Variants in RAB1A observed in about 807,000 individuals in gnomAD.
RAB1A encodes RAB1A, member RAS oncogene family.
RAB1A carries 2 observed loss-of-function variants against 26.0 expected under a neutral mutation model. That is an observed-to-expected ratio of 0.08 (90% CI 0.03 to 0.24). The LOEUF is 0.24. Among genes scored for constraint, RAB1A ranks in the 10% least tolerant of loss-of-function variants. RAB1A has a pLI of 1.00. For missense variants in RAB1A, 100 were observed against 247.0 expected (o/e 0.40, Z 3.99); for synonymous variants, 84 against 84.9 (o/e 0.99, Z 0.06).
intron 3 of RAB1A, among the ~76,000 whole-genome samples, chr2:65,093,659 T>C (rs1433510363): frequency 6.6e-6 from 1 of 151,232 alleles, no homozygotes; most frequent in East Asian, 1.9e-4. Context: ...AGTCTCGCTC[T>C]GTCACCAGGC....
intron 1 of RAB1A, 33 bp downstream of exon 1, chr2:65,129,860 G>T: frequency 6.3e-7 from 1 of 1,586,460 alleles, no homozygotes; most frequent in East Asian, 2.3e-5. Context: ...GCTGGCCCAC[G>T]GACCCAGCCG....
chr2:65,112,879 G>A (rs1464924482), intron 1 of RAB1A, among the ~76,000 whole-genome samples: 3 of 152,134 alleles, frequency 2.0e-5, no homozygotes, highest in African/African-American at 7.2e-5. Flanking sequence ...CAGTAAGGAC[G>A]AGTTTTATTC....
chr2:65,111,324 T>C (rs1669687990), intron 1 of RAB1A, among the ~76,000 whole-genome samples: 1 of 150,094 alleles, frequency 6.7e-6, no homozygotes, highest in African/African-American at 2.5e-5. Flanking sequence ...ATCATGCCAT[T>C]GCACTCCAGC....
chr2:65,118,773 C>T (rs777358879), intron 1 of RAB1A, among the ~76,000 whole-genome samples: 9 of 152,116 alleles, frequency 5.9e-5, no homozygotes, highest in East Asian at 1.9e-4. Flanking sequence ...CCCCCGCACC[C>T]GGCCCAAAGG....
rs184813379 is a variant in RAB1A at position 65,125,181 on chromosome 2, T to C, written c.23+4712A>G. On this transcript the variant is annotated intron_variant, in intron 1 of 5. Transcript: ENST00000409784. ...AAGGGGATGGGGGCTAAAAATAAGG[T>C]AAATACTTTAAACTTTTTCTGCATT... 1.3e-3 allele frequency among the ~76,000 whole-genome samples: 203 copies of C among 152,144 alleles called. 1 individual carries two copies. Among genetic ancestry groups the C allele is most frequent in the Non-Finnish European group, 1.8e-3 (119 of 67,998 alleles).
chr2:65,114,201 G>T, intron 1 of RAB1A: 1 of 420,504 alleles, frequency 2.4e-6, no homozygotes. Context: ...CTCAGACAAG[G>T]TTCACATGTC....
chr2:65,097,662 C>T (rs938620743), intron 3 of RAB1A, among the ~76,000 whole-genome samples: 2 of 152,112 alleles, frequency 1.3e-5, no homozygotes, highest in African/African-American at 4.8e-5. Flanking sequence ...TGGTCTATAA[C>T]ATTTGCAGTG....
intron 3 of RAB1A, among the ~76,000 whole-genome samples, chr2:65,094,028 T>C (rs946483792): frequency 1.3e-5 from 2 of 151,502 alleles, no homozygotes; most frequent in South Asian, 2.1e-4. Flanking sequence ...AGAGTGCAAA[T>C]GGCACAATCT....
chr2:65,129,666 C>G (rs1024615688), intron 1 of RAB1A, among the ~76,000 whole-genome samples: 4 of 152,044 alleles, frequency 2.6e-5, no homozygotes, highest in Admixed American at 6.5e-5. Flanking sequence ...TAACCTGACC[C>G]GGTCCAGGCC....
intron 3 of RAB1A, among the ~76,000 whole-genome samples, chr2:65,094,233 G>C (rs1218218348): frequency 2.6e-5 from 4 of 152,162 alleles, no homozygotes; most frequent in Non-Finnish European, 5.9e-5. Context: ...GCCTCCCAAA[G>C]TACTGGGATT....
intron 1 of RAB1A, among the ~76,000 whole-genome samples, chr2:65,129,070 C>T (rs1309310658): frequency 6.6e-6 from 1 of 152,032 alleles, no homozygotes; most frequent in Non-Finnish European, 1.5e-5. Flanking sequence ...TCATAGGTCC[C>T]GTTCGTTTCT....
chr2:65,118,340 A>C lies in RAB1A; in HGVS notation c.23+11553T>G, dbSNP rs1315665070. 2.0e-5 allele frequency among the ~76,000 whole-genome samples: 3 copies of C among 152,190 alleles called. No individual in the cohort carries two copies. The East Asian group carries it at 5.8e-4, about 29-fold the overall frequency. ...TTATATTGATTATGCTTGTTTGAAC[A>C]TGAGTCATTTTCTTAATTTGTAAGC... is the stretch of plus-strand genomic sequence containing the variant. On this transcript the variant is annotated intron_variant, in intron 1 of 5. Coordinates refer to ENST00000409784, the MANE Select transcript of RAB1A (RefSeq NM_004161.5).
intron 1 of RAB1A, among the ~76,000 whole-genome samples, chr2:65,110,482 C>T (rs1329894388): frequency 1.4e-5 from 2 of 147,258 alleles, no homozygotes; most frequent in Admixed American, 1.4e-4. Context: ...ATTTGAGGCA[C>T]AAAATAAATT....
chr2:65,127,975 C>A (rs1025791256), intron 1 of RAB1A, among the ~76,000 whole-genome samples: 4 of 152,208 alleles, frequency 2.6e-5, no homozygotes, highest in Middle Eastern at 6.8e-3. Context: ...ACCTCGGGAT[C>A]CGCCCGCCTC....
At position 65,095,188 on chromosome 2, in the gene RAB1A, G is replaced by T. The variant is rs115278348; in HGVS notation, c.192+2783C>A. Among the ~76,000 whole-genome samples the T allele has an allele frequency of 9.0e-3, 1,369 of 151,912 alleles. 13 individuals carry two copies. Among genetic ancestry groups the T allele is most frequent in the African/African-American group, 0.027 (1,125 of 41,426 alleles). On this transcript the variant is annotated intron_variant, in intron 3 of 5. Coordinates refer to ENST00000409784, the MANE Select transcript of RAB1A (RefSeq NM_004161.5). Reference sequence around the variant, plus strand: ...ATAACTGGCAACTAGAGGTTTTGTGGTTTTTTTTGTTTTTTTCTGTATGTT... The same window carrying T: ...ATAACTGGCAACTAGAGGTTTTGTGTTTTTTTTTGTTTTTTTCTGTATGTT...
chr2:65,102,767 A>T lies in RAB1A; in HGVS notation c.96+1967T>A, dbSNP rs149022085. Among the ~76,000 whole-genome samples, 171 of 152,186 alleles carry T rather than the reference A, an allele frequency of 1.1e-3. 5 individuals carry two copies. The East Asian group carries it at 0.031, about 28-fold the overall frequency. On this transcript the variant is annotated intron_variant, in intron 2 of 5. Coordinates refer to ENST00000409784, the MANE Select transcript of RAB1A (RefSeq NM_004161.5). The stretch of plus-strand genomic sequence containing the variant: ...ATGGTGAAACCCCATCTCTACTAAA[A>T]ATACAAAAACTAGCTGGGCTTGGTG...
At chr2:65,127,594 C>T (rs1670128183) in intron 1 of RAB1A, among the ~76,000 whole-genome samples, 1 of 152,160 alleles carries the variant, frequency 6.6e-6, no homozygotes, top group African/African-American at 2.4e-5. Context: ...GGAGTGGTGG[C>T]ACATGCCTGT....
intron 1 of RAB1A, among the ~76,000 whole-genome samples, chr2:65,128,478 A>T (rs976841848): frequency 4.6e-5 from 7 of 152,224 alleles, no homozygotes; most frequent in Admixed American, 6.5e-5. Flanking sequence ...AATTTTTTTT[A>T]AACTGTCAAC....
At chr2:65,126,397 C>G (rs558684362) in intron 1 of RAB1A, among the ~76,000 whole-genome samples, 1 of 151,860 alleles carries the variant, frequency 6.6e-6, no homozygotes, top group Admixed American at 6.6e-5. Context: ...AATCCCAACA[C>G]TTTGGGAGGC....
Sources: allele counts gnomAD v4.1 joint callset (sites outside exome capture counted in the v4.1 genomes callset), GRCh38; gene constraint gnomAD v4.1.1; transcripts MANE v1.5; gene names NCBI Gene and HGNC (gene_info 2026-07-23, HGNC 2026-07-21).